The following NUPR2 variants were observed in gnomAD, a reference collection of about 807,000 sequenced individuals.
NUPR2 encodes the protein nuclear protein 2, transcriptional regulator, also known as nuclear protein 2.
In NUPR2, 14 loss-of-function variants were observed where a neutral mutation model predicts 7.3. The ratio of observed to expected loss-of-function variants is 1.93; its 90% CI spans 1.27 to 3.01. The LOEUF (loss-of-function observed/expected upper bound fraction) is 3.01. NUPR2 is among the 30% of genes most tolerant of loss of function. The pLI is 0.00. For missense variants in NUPR2, 162 were observed against 143.7 expected, an observed-to-expected ratio of 1.13 and a Z score of -0.65; for synonymous variants, 56 against 59.7, an observed-to-expected ratio of 0.94 and a Z score of 0.29.
chr7:56,115,479 C>T (rs1327699804), intron 1 of NUPR2, among the ~76,000 whole-genome samples: 1 of 40,170 alleles, frequency 2.5e-5, no homozygotes, highest in Non-Finnish European at 4.9e-5. Flanking sequence ...GTGTGTGTGA[C>T]GGAGTCTCGC....
At chr7:56,115,310 G>C (rs1785520804) in intron 1 of NUPR2, among the ~76,000 whole-genome samples, 2 of 146,932 alleles carry the variant, frequency 1.4e-5, no homozygotes, top group South Asian at 4.3e-4. Flanking sequence ...TTAGACACAG[G>C]GTCTCCCTCT....
chr7:56,116,291 C>T lies in NUPR2; in HGVS notation c.24G>A (p.Ala8=). ...GAGCCAGAGCCTGCAGACGTGGAAGCGCCCGCTCTGCGGGCGCTTCCATCC... is the reference window on the plus strand; with the variant it reads ...GAGCCAGAGCCTGCAGACGTGGAAGTGCCCGCTCTGCGGGCGCTTCCATCC... MEAPAER[A]LPRLQALARP... Residue 8 remains alanine, a synonymous_variant, in exon 1 of 2, where the codon GCG becomes GCA. Transcript: ENST00000329309. 2 of 1,465,186 alleles carry T rather than the reference C, an allele frequency of 1.4e-6. No individual in the cohort carries two copies. The highest frequency in any genetic ancestry group is 2.7e-5 in the South Asian group (2 of 73,840). The allele number at this position is 1,465,186 out of a possible 1,614,324, so 90.8% of individuals were successfully genotyped here.
intron 1 of NUPR2, among the ~76,000 whole-genome samples, chr7:56,115,146 G>C (rs1409399055): frequency 1.3e-5 from 2 of 151,854 alleles, no homozygotes; most frequent in African/African-American, 2.4e-5. Flanking sequence ...ACGTTGACCA[G>C]GCTAGTCTGG....
rs1276306845 is a variant in NUPR2, at chr7:56,115,998, G to A, written c.*6+17C>T. The A allele has an allele frequency of 1.4e-6, 2 of 1,443,032 alleles. No individual in the cohort carries two copies. The highest frequency in any genetic ancestry group is 1.8e-6 in the Non-Finnish European group (2 of 1,100,142). 89.4% of individuals were successfully genotyped at this position (1,443,032 alleles called of 1,614,324 possible). On this transcript the variant is annotated intron_variant, in intron 1 of 1. Coordinates refer to ENST00000329309, the MANE Select transcript of NUPR2 (RefSeq NM_001145712.2). Reference sequence around the variant, plus strand: ...GTCCCCGGGGCACTGGTTGGGGGAGGTGTTGGGCGCACGTACCCAGGCTCA... The same window carrying A: ...GTCCCCGGGGCACTGGTTGGGGGAGATGTTGGGCGCACGTACCCAGGCTCA...
intron 1 of NUPR2, among the ~76,000 whole-genome samples, chr7:56,115,793 A>G (rs1273491239): frequency 6.6e-6 from 1 of 151,662 alleles, no homozygotes; most frequent in Admixed American, 6.6e-5. Context: ...ATTTTTAAAA[A>G]GATGTTTTCT....
In NUPR2 at chr7:56,116,296, GCT is replaced by G. The variant is rs1258120124; in HGVS notation, c.17_18del (p.Glu6AlafsTer106). On this transcript the variant is annotated frameshift_variant, in exon 1 of 2. Transcript: ENST00000329309. LOFTEE classifies it high-confidence loss of function. MEAPA[E>X]RALPRLQALA... ...AGAGCCTGCAGACGTGGAAGCGCCC[GCT>G]CTGCGGGCGCTTCCATCCTGCCCAG... 5 of 1,178,758 alleles carry G rather than the reference GCT, an allele frequency of 4.2e-6. No homozygotes were observed. The highest frequency in any genetic ancestry group is 7.1e-5 in the Admixed American group (2 of 28,182). 73.0% of individuals were successfully genotyped at this position (1,178,758 alleles called of 1,614,324 possible).
In NUPR2 at chr7:56,116,140, G is replaced by A. The variant is rs981316922; in HGVS notation, c.175C>T (p.Arg59Cys). 29 of 1,546,066 alleles carry A rather than the reference G, an allele frequency of 1.9e-5. No homozygotes were observed. In the Admixed American group the frequency reaches 5.3e-4, roughly 28 times the overall value. ...CCGCCAGGTGCAGGCCAGTTGGTGC[G>A]CAGCGCCTGCTCGCGCCGAGTCCGG... ...KGRTRREQAL[R>C]TNWPAPGGHE... is the part of the protein sequence containing the mutation. Residue 59 changes from arginine (R) to cysteine (C), a missense_variant, in exon 1 of 2, where the codon CGC becomes TGC. Transcript: ENST00000329309.
At position 56,115,448 on chromosome 7, in the gene NUPR2, TG is replaced by T. The variant is rs1785531689; in HGVS notation, c.*7-552del. Among the ~76,000 whole-genome samples the T allele has an allele frequency of 8.3e-5, 6 of 72,164 alleles. 2 individuals carry two copies. Among genetic ancestry groups the T allele is most frequent in the East Asian group, 6.6e-4 (1 of 1,522 alleles). 47.3% of individuals were successfully genotyped at this position (72,164 alleles called of 152,430 possible). A position where few individuals can be genotyped will look rare whatever the true frequency, so the allele number is the denominator to read the frequency against. On this transcript the variant is annotated intron_variant, in intron 1 of 1. Coordinates refer to ENST00000329309, the MANE Select transcript of NUPR2 (RefSeq NM_001145712.2). ...ATATATTTGTGTGTGTGTGTGTGTG[TG>T]TGTGTGTGTGTGTGTGTGTGTGTGT...
intron 1 of NUPR2, among the ~76,000 whole-genome samples, chr7:56,115,411 A>ACATATATATGTATATATATACATATG (rs71015192): frequency 7.3e-5 from 2 of 27,380 alleles, no homozygotes; most frequent in Non-Finnish European, 1.2e-4. Context: ...ATATATATAT[A>ACATATATATGTATATATATACATATG]TATATATATA....
chr7:56,115,934 A>C (rs1004395886), intron 1 of NUPR2, 81 bp downstream of exon 1: 1 of 1,273,684 alleles, frequency 7.9e-7, no homozygotes. Flanking sequence ...GACTCTGCCC[A>C]GGGCGAGCAG....
At position 56,116,348 on chromosome 7, in the gene NUPR2, G is replaced by A. The variant is rs751904267; in HGVS notation, c.-34C>T. On this transcript the variant is annotated 5_prime_UTR_variant, in exon 1 of 2. Transcript: ENST00000329309. ...GGCCTGTGGCCACCGGCGGCCACCTGCCCGCGTCTGGGCGCTCCTGGAAGA... is the reference window on the plus strand; with the variant it reads ...GGCCTGTGGCCACCGGCGGCCACCTACCCGCGTCTGGGCGCTCCTGGAAGA... 8 of 1,281,724 alleles carry A rather than the reference G, an allele frequency of 6.2e-6. No homozygotes were observed. Among genetic ancestry groups the A allele is most frequent in the Non-Finnish European group, 8.0e-6 (8 of 994,798 alleles). 79.4% of individuals were successfully genotyped at this position (1,281,724 alleles called of 1,614,324 possible).
Position 56,116,225 on chromosome 7 carries a change from G to A in NUPR2, c.90C>T (p.Asp30=). 6.5e-7 allele frequency: 1 copy of A among 1,546,776 alleles called. No individual in the cohort carries two copies. Among genetic ancestry groups the A allele is most frequent in the South Asian group, 1.2e-5 (1 of 83,794 alleles). The part of the protein sequence containing the change: ...PPISYEEELY[D]CLDYYYLRDF... Reference sequence around the variant, plus strand: ...CGCGCAGGTAGTAGTAGTCCAGGCAGTCGTAAAGCTCCTCCTCGTAGCTTA... The same window carrying A: ...CGCGCAGGTAGTAGTAGTCCAGGCAATCGTAAAGCTCCTCCTCGTAGCTTA... Residue 30 remains aspartate, a synonymous_variant, in exon 1 of 2, where the codon GAC becomes GAT. Coordinates refer to ENST00000329309, the MANE Select transcript of NUPR2 (RefSeq NM_001145712.2).
Position 56,116,117 on chromosome 7 carries a change from G to A in NUPR2, c.198C>T (p.Gly66=). The A allele has an allele frequency of 1.3e-6, 2 of 1,541,652 alleles. No homozygotes were observed. Among genetic ancestry groups the A allele is most frequent in the East Asian group, 2.5e-5 (1 of 40,090 alleles). ...QALRTNWPAP[G]GHERKVAQKL... is the part of the protein sequence containing the mutation. ...TCTGCGCGACCTTGCGCTCGTGCCCGCCAGGTGCAGGCCAGTTGGTGCGCA... is the reference window on the plus strand; with the variant it reads ...TCTGCGCGACCTTGCGCTCGTGCCCACCAGGTGCAGGCCAGTTGGTGCGCA... The change falls in exon 1 of 2, where the codon GGC becomes GGT. Residue 66 remains glycine, a synonymous_variant. Transcript: ENST00000329309.
At position 56,116,151 on chromosome 7, in the gene NUPR2, T is replaced by A; in HGVS notation, c.164A>T (p.Glu55Val). 7 of 1,546,982 alleles carry A rather than the reference T, an allele frequency of 4.5e-6. No homozygotes were observed. The highest frequency in any genetic ancestry group is 6.1e-6 in the Non-Finnish European group (7 of 1,145,318). ...AGGCCAGTTGGTGCGCAGCGCCTGC[T>A]CGCGCCGAGTCCGGCCCTTGCTGCG... ...AGRSKGRTRR[E>V]QALRTNWPAP... Residue 55 changes from glutamate (E) to valine (V), a missense_variant, in exon 1 of 2, where the codon GAG (glutamate) becomes GTG (valine). Transcript: ENST00000329309.
intron 1 of NUPR2, among the ~76,000 whole-genome samples, chr7:56,115,461 G>T (rs1168557805): frequency 4.4e-5 from 1 of 22,860 alleles, no homozygotes; most frequent in Non-Finnish European, 8.1e-5. Flanking sequence ...GTGTGTGTGT[G>T]TGTGTGTGTG....
At chr7:56,115,426 TATTTGTGTGTGTG>T (rs1785528234) in intron 1 of NUPR2, among the ~76,000 whole-genome samples, 14 of 48,732 alleles carry the variant, frequency 2.9e-4, no homozygotes, top group Non-Finnish European at 4.0e-4. Flanking sequence ...TATATATATA[TATTTGTGTGTGTG>T]TGTGTGTGTG....
intron 1 of NUPR2, among the ~76,000 whole-genome samples, chr7:56,115,421 A>ATACATATGTATATATATATATATATACG (rs1785526564): frequency 8.0e-5 from 2 of 24,966 alleles, no homozygotes; most frequent in African/African-American, 6.1e-4. Flanking sequence ...ATATATATAT[A>ATACATATGTATATATATATATATATACG]TATATATTTG....
At chr7:56,115,426 TATTTG>T (rs1562891842) in intron 1 of NUPR2, among the ~76,000 whole-genome samples, 66 of 48,722 alleles carry the variant, frequency 1.4e-3, no homozygotes, top group East Asian at 6.4e-3. Flanking sequence ...TATATATATA[TATTTG>T]TGTGTGTGTG....
In NUPR2 at chr7:56,114,879, G is replaced by A. The variant is rs1785513406; in HGVS notation, c.*25C>T. The A allele has an allele frequency of 6.6e-6, 1 of 152,296 alleles. No individual in the cohort carries two copies. The highest frequency in any genetic ancestry group is 2.1e-4 in the South Asian group (1 of 4,824). The allele number at this position is 152,296 out of a possible 1,614,324, so 9.4% of individuals were successfully genotyped here. ...CAGTTGGAGTTACAGTAAATACTTC[G>A]AACAGGTCCTTCGGTATCCTGTAGG... is the stretch of plus-strand genomic sequence containing the variant. On this transcript the variant is annotated 3_prime_UTR_variant, in exon 2 of 2. Transcript: ENST00000329309.
Sources: allele counts gnomAD v4.1 joint callset (sites outside exome capture counted in the v4.1 genomes callset), GRCh38; gene constraint gnomAD v4.1.1; transcripts MANE v1.5; gene names NCBI Gene and HGNC (gene_info 2026-07-23, HGNC 2026-07-21).